The following EXOC2 variants were observed in gnomAD, a reference collection of about 807,000 sequenced individuals.
The protein encoded by EXOC2 is SEC5-like 1.
In EXOC2, 70 loss-of-function variants were observed where a neutral mutation model predicts 131.8. The ratio of observed to expected loss-of-function variants is 0.53; its 90% CI spans 0.44 to 0.65. The LOEUF (loss-of-function observed/expected upper bound fraction) is 0.65. Among genes scored for constraint, EXOC2 ranks in the 30% least tolerant of loss-of-function variants. EXOC2 has a pLI of 0.00. For missense variants in EXOC2, 923 were observed against 1,108.6 expected (o/e 0.83, Z 2.38); for synonymous variants, 411 against 398.4 (o/e 1.03, Z -0.38).
At chr6:651,090 G>T (rs1324399027) in intron 1 of EXOC2, among the ~76,000 whole-genome samples, 1 of 150,680 alleles carries the variant, frequency 6.6e-6, no homozygotes, top group African/African-American at 2.4e-5. Context: ...GGGCAGTAGC[G>T]TGTGATCTCG....
At chr6:518,825 A>C (rs1247181300) in intron 23 of EXOC2, among the ~76,000 whole-genome samples, 2 of 152,222 alleles carry the variant, frequency 1.3e-5, no homozygotes, top group Middle Eastern at 3.2e-3. Context: ...TAAAGAGATT[A>C]AGTACAAGAC....
intron 2 of EXOC2, among the ~76,000 whole-genome samples, chr6:634,899 G>C (rs1263088387): frequency 6.6e-6 from 1 of 152,052 alleles, no homozygotes; most frequent in East Asian, 1.9e-4. Context: ...CACCTCGCGA[G>C]AGAAATACTG....
At chr6:688,122 T>C (rs985430310) in intron 1 of EXOC2, among the ~76,000 whole-genome samples, 2 of 152,196 alleles carry the variant, frequency 1.3e-5, no homozygotes, top group African/African-American at 2.4e-5. Context: ...TCCACTTACA[T>C]CTCTTTCATT....
At chr6:645,601 T>G (rs1762545086) in intron 1 of EXOC2, among the ~76,000 whole-genome samples, 1 of 148,678 alleles carries the variant, frequency 6.7e-6, no homozygotes, top group Non-Finnish European at 1.5e-5. Flanking sequence ...CTTTTTTTTT[T>G]GAGCAAAAGA....
chr6:600,333 T>C (rs1173875502), intron 7 of EXOC2, among the ~76,000 whole-genome samples: 2 of 152,234 alleles, frequency 1.3e-5, no homozygotes, highest in African/African-American at 2.4e-5. Flanking sequence ...AGAAAAAATA[T>C]ATTTCCTTCT....
chr6:576,733 G>C (rs1561878390), intron 12 of EXOC2, 24 bp downstream of exon 12: 1 of 1,609,890 alleles, frequency 6.2e-7, no homozygotes, highest in Non-Finnish European at 8.5e-7. Context: ...AAAAGACCCA[G>C]TGGCAGTGGA....
intron 11 of EXOC2, among the ~76,000 whole-genome samples, chr6:586,738 T>C (rs1454681840): frequency 6.6e-6 from 1 of 151,980 alleles, no homozygotes; most frequent in East Asian, 1.9e-4. Context: ...CATAACTCAC[T>C]GGTCTGGAGG....
chr6:581,159 G>A (rs976978733), intron 11 of EXOC2, among the ~76,000 whole-genome samples: 4 of 151,956 alleles, frequency 2.6e-5, no homozygotes, highest in Non-Finnish European at 4.4e-5. Flanking sequence ...TAGCCAGCGC[G>A]GTGGCACATG....
intron 10 of EXOC2, among the ~76,000 whole-genome samples, chr6:593,419 C>T (rs3757121): frequency 0.61 from 92,455 of 152,084 alleles, 29,868 homozygotes; most frequent in Middle Eastern, 0.72. Context: ...CTCTAAAGTC[C>T]ACACTCACGA....
Position 486,652 on chromosome 6 carries a change from T to A in EXOC2, c.*19A>T, listed in dbSNP as rs754121697. The A allele has an allele frequency of 5.0e-6, 8 of 1,608,010 alleles. No individual in the cohort carries two copies. The African/African-American group carries it at 5.3e-5, about 11-fold the overall frequency. ...TTATTACGTGTTATTTTCCTGGACTTCTTTTATGTGGCAGATATTTATGTT... is the reference window on the plus strand; with the variant it reads ...TTATTACGTGTTATTTTCCTGGACTACTTTTATGTGGCAGATATTTATGTT... On this transcript the variant is annotated 3_prime_UTR_variant, in exon 28 of 28. Transcript: ENST00000230449.
At chr6:594,842 C>T (rs1184113361) in intron 10 of EXOC2, among the ~76,000 whole-genome samples, 1 of 152,126 alleles carries the variant, frequency 6.6e-6, no homozygotes, top group Non-Finnish European at 1.5e-5. Context: ...CAGTATGCAG[C>T]TAAAAATAAG....
At chr6:686,154 G>A (rs1443724762) in intron 1 of EXOC2, among the ~76,000 whole-genome samples, 3 of 151,808 alleles carry the variant, frequency 2.0e-5, no homozygotes, top group Non-Finnish European at 4.4e-5. Context: ...AGTAGAGACG[G>A]GGTTTCATCA....
At chr6:609,280 G>A (rs1240839294) in intron 7 of EXOC2, among the ~76,000 whole-genome samples, 1 of 152,218 alleles carries the variant, frequency 6.6e-6, no homozygotes, top group Non-Finnish European at 1.5e-5. Context: ...TAAAGATCTG[G>A]TGTGAGGTTT....
intron 23 of EXOC2, among the ~76,000 whole-genome samples, chr6:507,186 G>GC (rs1764596930): frequency 7.0e-5 from 1 of 14,362 alleles, no homozygotes; most frequent in African/African-American, 1.6e-4. Flanking sequence ...ACACAGCAGT[G>GC]ACCCCCCCCA....
At chr6:660,634 C>T (rs1763384551) in intron 1 of EXOC2, among the ~76,000 whole-genome samples, 1 of 152,126 alleles carries the variant, frequency 6.6e-6, no homozygotes, top group Admixed American at 6.5e-5. Context: ...CTTTGTGGGA[C>T]AAAAGAATCT....
chr6:653,657 G>T (rs2127742176), intron 1 of EXOC2, among the ~76,000 whole-genome samples: 1 of 152,342 alleles, frequency 6.6e-6, no homozygotes, highest in South Asian at 2.1e-4. Context: ...GCAAGGTGAT[G>T]CAATGAGTAC....
chr6:567,626 ACATT>A (rs1300686804), intron 13 of EXOC2, among the ~76,000 whole-genome samples: 1 of 151,776 alleles, frequency 6.6e-6, no homozygotes, highest in African/African-American at 2.4e-5. Flanking sequence ...CATGTGTTAT[ACATT>A]AATGTTTCAT....
In EXOC2 at chr6:555,292, A is replaced by G; in HGVS notation, c.1993-4T>C. The G allele has an allele frequency of 1.3e-6, 2 of 1,523,390 alleles. No homozygotes were observed. Among genetic ancestry groups the G allele is most frequent in the Non-Finnish European group, 1.8e-6 (2 of 1,120,688 alleles). The allele number at this position is 1,523,390 out of a possible 1,614,324, so 94.4% of individuals were successfully genotyped here. A position where few individuals can be genotyped will look rare whatever the true frequency, so the allele number is the denominator to read the frequency against. ...GTTCCAGACAGTATATAAAAACCTAAGTGAAAACATAAGTTTCAGAACTCT... is the reference window on the plus strand; with the variant it reads ...GTTCCAGACAGTATATAAAAACCTAGGTGAAAACATAAGTTTCAGAACTCT... On this transcript the variant is annotated splice_region_variant and splice_polypyrimidine_tract_variant and intron_variant, in intron 19 of 27. Coordinates refer to ENST00000230449, the MANE Select transcript of EXOC2 (RefSeq NM_018303.6).
intron 10 of EXOC2, among the ~76,000 whole-genome samples, chr6:597,408 C>G (rs1336152329): frequency 6.6e-6 from 1 of 152,106 alleles, no homozygotes; most frequent in Non-Finnish European, 1.5e-5. Flanking sequence ...AACTCCTGAC[C>G]TAGTGATCCG....
Sources: allele counts gnomAD v4.1 joint callset (sites outside exome capture counted in the v4.1 genomes callset), GRCh38; gene constraint gnomAD v4.1.1; transcripts MANE v1.5; gene names NCBI Gene and HGNC (gene_info 2026-07-23, HGNC 2026-07-21).